The following MEI4 variants were observed in gnomAD, a reference collection of about 807,000 sequenced individuals.
MEI4 encodes meiosis-specific protein MEI4.
MEI4 carries 27 observed loss-of-function variants against 31.4 expected under a neutral mutation model. That is an observed-to-expected ratio of 0.86 (90% CI 0.63 to 1.19). The LOEUF (loss-of-function observed/expected upper bound fraction) is 1.19, where lower values mean the gene tolerates loss of function less well. Ranked by LOEUF, MEI4 falls within the 50% of genes most tolerant of loss-of-function variation. The pLI, the probability that MEI4 is intolerant of heterozygous loss-of-function variation, is 0.00. For missense variants in MEI4, 329 were observed against 398.9 expected (o/e 0.82, Z 1.49); for synonymous variants, 122 against 145.4 (o/e 0.84, Z 1.16).
intron 4 of MEI4, among the ~76,000 whole-genome samples, chr6:77,832,012 T>A (rs887314900): frequency 6.6e-6 from 1 of 152,044 alleles, no homozygotes; most frequent in African/African-American, 2.4e-5. Flanking sequence ...TATACATGTA[T>A]GAAAATATCC....
At chr6:77,692,095 C>T (rs1005368611) in intron 2 of MEI4, among the ~76,000 whole-genome samples, 1 of 151,980 alleles carries the variant, frequency 6.6e-6, no homozygotes, top group African/African-American at 2.4e-5. Context: ...TCAGCTAGGC[C>T]CTAGTCAACA....
At chr6:77,819,676 C>A (rs1458299102) in intron 3 of MEI4, among the ~76,000 whole-genome samples, 1 of 152,056 alleles carries the variant, frequency 6.6e-6, no homozygotes, top group Non-Finnish European at 1.5e-5. Context: ...GATACCTTTC[C>A]TTTATTAAAG....
At chr6:77,844,674 A>G (rs1035746578) in intron 4 of MEI4, among the ~76,000 whole-genome samples, 3 of 152,154 alleles carry the variant, frequency 2.0e-5, no homozygotes, top group East Asian at 1.9e-4. Context: ...GGAATATATC[A>G]GAGTATATTT....
At chr6:77,670,206 T>A (rs539885550) in intron 1 of MEI4, among the ~76,000 whole-genome samples, 1 of 152,138 alleles carries the variant, frequency 6.6e-6, no homozygotes, top group African/African-American at 2.4e-5. Flanking sequence ...ATATTGAACA[T>A]CTCTCTTCCC....
chr6:77,788,589 A>G (rs1374810408), intron 3 of MEI4, among the ~76,000 whole-genome samples: 1 of 152,102 alleles, frequency 6.6e-6, no homozygotes, highest in Non-Finnish European at 1.5e-5. Flanking sequence ...AAAAATCACA[A>G]GCATTCTTAT....
At chr6:77,763,641 A>G (rs1429001755) in intron 3 of MEI4, among the ~76,000 whole-genome samples, 2 of 152,118 alleles carry the variant, frequency 1.3e-5, no homozygotes, top group East Asian at 1.9e-4. Flanking sequence ...TGAAAACTCA[A>G]GTTTTCATTT....
chr6:77,864,564 C>T (rs779574966), intron 4 of MEI4, among the ~76,000 whole-genome samples: 2 of 152,146 alleles, frequency 1.3e-5, no homozygotes, highest in Non-Finnish European at 2.9e-5. Context: ...AATACAGGAG[C>T]ACCCAGATGC....
At chr6:77,841,286 A>C (rs1770351191) in intron 4 of MEI4, among the ~76,000 whole-genome samples, 1 of 141,126 alleles carries the variant, frequency 7.1e-6, no homozygotes, top group Non-Finnish European at 1.5e-5. Context: ...TTAACTCTAA[A>C]TATACTGAGA....
At position 77,752,695 on chromosome 6, in the gene MEI4, T is replaced by C. The variant is rs544754418; in HGVS notation, c.233-8435T>C. On this transcript the variant is annotated intron_variant, in intron 2 of 4. Coordinates refer to ENST00000684080, the MANE Select transcript of MEI4 (RefSeq NM_001322247.2). ...TGACCATAATGCCCAAAGTAATTTTTAGATTCAGTGTATCCCCATTAAGCT... is the reference window on the plus strand; with the variant it reads ...TGACCATAATGCCCAAAGTAATTTTCAGATTCAGTGTATCCCCATTAAGCT... Among the ~76,000 whole-genome samples the C allele has an allele frequency of 4.6e-5, 7 of 152,324 alleles. No individual in the cohort carries two copies. The East Asian group carries it at 1.3e-3, about 29-fold the overall frequency.
intron 4 of MEI4, among the ~76,000 whole-genome samples, chr6:77,883,359 A>G (rs1221545005): frequency 1.3e-5 from 2 of 152,066 alleles, no homozygotes; most frequent in Non-Finnish European, 2.9e-5. Context: ...ATTGTTAATT[A>G]TAGTCACCCT....
At chr6:77,747,324 A>T (rs1480389500) in intron 2 of MEI4, among the ~76,000 whole-genome samples, 1 of 152,184 alleles carries the variant, frequency 6.6e-6, no homozygotes, top group East Asian at 1.9e-4. Context: ...ATCTAAAAAA[A>T]AAGAAAAAGA....
upstream of MEI4, among the ~76,000 whole-genome samples, chr6:77,652,930 G>A (rs1472675861): frequency 6.6e-6 from 1 of 152,174 alleles, no homozygotes; most frequent in African/African-American, 2.4e-5. Context: ...GTAATCAGAA[G>A]GAATTGACAT....
At chr6:77,815,173 C>G (rs1394608069) in intron 3 of MEI4, among the ~76,000 whole-genome samples, 1 of 152,070 alleles carries the variant, frequency 6.6e-6, no homozygotes, top group East Asian at 1.9e-4. Flanking sequence ...AAGTTGCCCT[C>G]TCCTCCAGCA....
At chr6:77,714,476 A>G (rs1766536038) in intron 2 of MEI4, among the ~76,000 whole-genome samples, 1 of 152,242 alleles carries the variant, frequency 6.6e-6, no homozygotes, top group Admixed American at 6.5e-5. Flanking sequence ...ACATTTCCAC[A>G]AATTTAGTTT....
intron 1 of MEI4, among the ~76,000 whole-genome samples, chr6:77,680,148 G>A (rs1184369112): frequency 8.0e-5 from 6 of 74,990 alleles, no homozygotes; most frequent in Admixed American, 4.8e-4. Context: ...GCGTGATGGC[G>A]GGCGCCTGTA....
chr6:77,870,427 A>G (rs1771162814), intron 4 of MEI4, among the ~76,000 whole-genome samples: 1 of 152,244 alleles, frequency 6.6e-6, no homozygotes, highest in Admixed American at 6.5e-5. Context: ...CACGTTTAGA[A>G]TGCCAAGGAA....
chr6:77,697,605 A>G (rs980393577), intron 2 of MEI4, among the ~76,000 whole-genome samples: 4 of 152,076 alleles, frequency 2.6e-5, no homozygotes, highest in Admixed American at 6.5e-5. Context: ...CCTGAGTTCT[A>G]GTTTGATTGC....
intron 4 of MEI4, among the ~76,000 whole-genome samples, chr6:77,849,621 G>A (rs1770568595): frequency 6.6e-6 from 1 of 152,126 alleles, no homozygotes; most frequent in South Asian, 2.1e-4. Context: ...ATGCAAGTAA[G>A]GGAAAATGAG....
chr6:77,767,815 T>G (rs1385232278), intron 3 of MEI4, among the ~76,000 whole-genome samples: 1 of 152,164 alleles, frequency 6.6e-6, no homozygotes, highest in Non-Finnish European at 1.5e-5. Context: ...TAATACTTCT[T>G]TTGATCACTG....
Sources: allele counts gnomAD v4.1 joint callset (sites outside exome capture counted in the v4.1 genomes callset), GRCh38; gene constraint gnomAD v4.1.1; transcripts MANE v1.5; gene names NCBI Gene and HGNC (gene_info 2026-07-23, HGNC 2026-07-21).